Variants in MAGI2 observed in about 807,000 individuals in gnomAD.
MAGI2 encodes the protein membrane-associated guanylate kinase, WW and PDZ domain-containing protein 2.
A neutral mutation model predicts 133.3 loss-of-function variants in MAGI2; 35 were observed. The ratio of observed to expected loss-of-function variants is 0.26; its 90% CI spans 0.20 to 0.35. The LOEUF is 0.35. MAGI2 is among the 10% of genes least tolerant of loss of function. MAGI2 has a pLI of 1.00. For synonymous variants in MAGI2, 729 were observed against 710.6 expected (o/e 1.03, Z -0.41); for missense variants, 1,636 against 1,863.4 (o/e 0.88, Z 2.25).
At chr7:79,404,656 C>G (rs192404048) in intron 1 of MAGI2, among the ~76,000 whole-genome samples, 1 of 152,180 alleles carries the variant, frequency 6.6e-6, no homozygotes, top group East Asian at 1.9e-4. Flanking sequence ...ACCCTTAGAC[C>G]CAGGCCCCTG....
chr7:78,230,086 C>T (rs1428440026), intron 10 of MAGI2, among the ~76,000 whole-genome samples: 9 of 152,184 alleles, frequency 5.9e-5, no homozygotes, highest in Non-Finnish European at 1.5e-5. Flanking sequence ...TAAAGAATGC[C>T]TTCAAGTATC....
chr7:78,084,565 A>ATT (rs1308632303), intron 20 of MAGI2, among the ~76,000 whole-genome samples: 2 of 152,200 alleles, frequency 1.3e-5, no homozygotes, highest in African/African-American at 2.4e-5. Flanking sequence ...AATCATGACA[A>ATT]TTTCAATGGT....
intron 4 of MAGI2, among the ~76,000 whole-genome samples, chr7:78,517,115 C>G (rs1325308978): frequency 2.6e-5 from 4 of 151,970 alleles, no homozygotes; most frequent in Non-Finnish European, 1.5e-5. Context: ...AGCCATGGGG[C>G]TGACATCAAC....
chr7:78,472,868 T>C (rs1366747501), intron 6 of MAGI2, among the ~76,000 whole-genome samples: 1 of 152,116 alleles, frequency 6.6e-6, no homozygotes, highest in African/African-American at 2.4e-5. Context: ...TTATAAATTC[T>C]AGGGACTCCT....
At chr7:78,091,042 A>ATGTGTGTG (rs754389330) in intron 20 of MAGI2, among the ~76,000 whole-genome samples, 1 of 103,764 alleles carries the variant, frequency 9.6e-6, no homozygotes, top group Non-Finnish European at 2.2e-5. Context: ...ACTGATGTGT[A>ATGTGTGTG]TGTGTGTGTA....
At chr7:78,557,080 C>CAAAAAAAAAAAAA (rs796371005) in intron 3 of MAGI2, among the ~76,000 whole-genome samples, 980 of 40,796 alleles carry the variant, frequency 0.024, 53 homozygotes, top group Non-Finnish European at 0.036. Context: ...GGCAGAGTCT[C>CAAAAAAAAAAAAA]AAAAAAAAAA....
intron 3 of MAGI2, among the ~76,000 whole-genome samples, chr7:78,614,108 TAAAA>T (rs10558658): frequency 1.4e-5 from 2 of 147,372 alleles, no homozygotes; most frequent in Non-Finnish European, 1.5e-5. Flanking sequence ...AGACTTCATC[TAAAA>T]AAAAAAAAAA....
chr7:78,743,710 A>T (rs1251080576), intron 2 of MAGI2, among the ~76,000 whole-genome samples: 1 of 152,222 alleles, frequency 6.6e-6, no homozygotes, highest in Non-Finnish European at 1.5e-5. Context: ...GTCATGCACC[A>T]AAAGGCTTTA....
Position 78,256,033 on chromosome 7 carries a change from T to C in MAGI2, c.1957A>G (p.Asn653Asp), listed in dbSNP as rs1563335191. ...TCTGTATGGCTCAGGTTCTGTACAT[T>C]CTGCTGGTTGATCTCAACAATGAGG... ...GDLIVEINQQ[N>D]VQNLSHTEVV... The change falls in exon 10 of 22, where the codon AAT (asparagine) becomes GAT (aspartate). Residue 653 changes from asparagine to aspartate, a missense_variant. Physicochemically the swap from Asn to Asp is conservative, Grantham distance 23 (BLOSUM62 1). Coordinates refer to ENST00000354212, the MANE Select transcript of MAGI2 (RefSeq NM_012301.4). 6.2e-7 allele frequency: 1 copy of C among 1,613,684 alleles called. No homozygotes were observed. The highest frequency in any genetic ancestry group is 8.5e-7 in the Non-Finnish European group (1 of 1,179,878).
At chr7:79,258,086 T>C (rs1436080946) in intron 1 of MAGI2, among the ~76,000 whole-genome samples, 1 of 152,180 alleles carries the variant, frequency 6.6e-6, no homozygotes, top group Non-Finnish European at 1.5e-5. Flanking sequence ...ATTGGTTTTG[T>C]CCATATTGAT....
At chr7:78,718,463 G>A (rs985952568) in intron 2 of MAGI2, among the ~76,000 whole-genome samples, 8 of 152,004 alleles carry the variant, frequency 5.3e-5, no homozygotes, top group South Asian at 4.1e-4. Flanking sequence ...TTGGATTACC[G>A]CCTGAACTCT....
intron 3 of MAGI2, among the ~76,000 whole-genome samples, chr7:78,544,375 T>A (rs1185833742): frequency 1.3e-5 from 2 of 152,228 alleles, no homozygotes. Flanking sequence ...CTTTCCAGCC[T>A]TTATAAAATG....
chr7:79,324,198 T>C (rs1839417254), intron 1 of MAGI2, among the ~76,000 whole-genome samples: 2 of 152,028 alleles, frequency 1.3e-5, no homozygotes, highest in South Asian at 4.2e-4. Flanking sequence ...TCTCTTCTAT[T>C]TTTATTTAAT....
At chr7:78,579,500 C>T (rs1013563941) in intron 3 of MAGI2, among the ~76,000 whole-genome samples, 6 of 152,132 alleles carry the variant, frequency 3.9e-5, no homozygotes, top group African/African-American at 9.6e-5. Context: ...CCAGGGAGAA[C>T]AAAGATTAAC....
At chr7:79,358,094 T>G (rs375022227) in intron 1 of MAGI2, among the ~76,000 whole-genome samples, 45 of 152,110 alleles carry the variant, frequency 3.0e-4, no homozygotes, top group Non-Finnish European at 5.1e-4. Context: ...AATGAGCTAC[T>G]AGGTCCCTAC....
At chr7:78,914,449 A>AAT (rs1274905498) in intron 2 of MAGI2, among the ~76,000 whole-genome samples, 1 of 152,180 alleles carries the variant, frequency 6.6e-6, no homozygotes, top group East Asian at 1.9e-4. Context: ...TTTCATTTCA[A>AAT]ATATATATTT....
intron 3 of MAGI2, among the ~76,000 whole-genome samples, chr7:78,537,519 AT>A (rs1363348308): frequency 1.3e-5 from 2 of 152,048 alleles, no homozygotes; most frequent in Non-Finnish European, 2.9e-5. Flanking sequence ...TTAGTTTTCA[AT>A]TTTTTAAATT....
chr7:78,880,577 T>C (rs781064455), intron 2 of MAGI2, among the ~76,000 whole-genome samples: 1 of 152,132 alleles, frequency 6.6e-6, no homozygotes, highest in Non-Finnish European at 1.5e-5. Flanking sequence ...TTCAAAGGAA[T>C]TCTAAACACG....
At position 78,176,289 on chromosome 7, in the gene MAGI2, C is replaced by A. The variant is rs148074003; in HGVS notation, c.2403+1722G>T. Among the ~76,000 whole-genome samples the A allele has an allele frequency of 3.1e-3, 466 of 152,318 alleles. 1 individual carries two copies. Among genetic ancestry groups the A allele is most frequent in the African/African-American group, 0.01 (423 of 41,572 alleles). ...ACCAAGAAAAATCTGGCCAATCCTC[C>A]TTGGCAAAAGCACCTTCATGTCTTC... On this transcript the variant is annotated intron_variant, in intron 14 of 21. Transcript: ENST00000354212.
Sources: allele counts gnomAD v4.1 joint callset (sites outside exome capture counted in the v4.1 genomes callset), GRCh38; gene constraint gnomAD v4.1.1; transcripts MANE v1.5; gene names NCBI Gene and HGNC (gene_info 2026-07-23, HGNC 2026-07-21).